OSBP2: variants seen among roughly 807,000 people sequenced by gnomAD.
OSBP2 encodes the protein oxysterol-binding protein 2.
Under a neutral mutation model 96.0 loss-of-function variants are expected in OSBP2, and 66 were observed. That is an observed-to-expected ratio of 0.69 (90% CI 0.56 to 0.84). The LOEUF is 0.84. Ranked by LOEUF, OSBP2 falls within the 40% of genes least tolerant of loss-of-function variation. The pLI, the probability that OSBP2 is intolerant of heterozygous loss-of-function variation, is 0.00. For missense variants in OSBP2, 1,038 were observed against 1,222.7 expected (o/e 0.85, Z 2.25); for synonymous variants, 525 against 520.9 (o/e 1.01, Z -0.11).
chr22:30,717,090 T>TTTTTTG lies in OSBP2; in HGVS notation c.644+21538_644+21539insTTTTGT, dbSNP rs71328866. On this transcript the variant is annotated intron_variant, in intron 1 of 13. Coordinates refer to ENST00000332585, the MANE Select transcript of OSBP2 (RefSeq NM_030758.4). ...CTATTTTGTTTTAATTTTACTGTTT[T>TTTTTTG]TGTGTGTGTGTGTGTGTGTGTGTGT... is the stretch of plus-strand genomic sequence containing the variant. Among the ~76,000 whole-genome samples, 2 of 118,320 alleles carry TTTTTTG rather than the reference T, an allele frequency of 1.7e-5. 1 individual carries two copies. The highest frequency in any genetic ancestry group is 6.4e-5 in the African/African-American group (2 of 31,434). The allele number at this position is 118,320 out of a possible 152,430, so 77.6% of individuals were successfully genotyped here. A position where few individuals can be genotyped will look rare whatever the true frequency, so the allele number is the denominator to read the frequency against.
At chr22:30,844,790 C>A (rs2147043452) in intron 2 of OSBP2, 1 of 152,346 alleles carries the variant, frequency 6.6e-6, no homozygotes, top group South Asian at 2.1e-4. Flanking sequence ...GTGCAAGAGG[C>A]CTAGGTTTGG....
intron 3 of OSBP2, among the ~76,000 whole-genome samples, chr22:30,878,488 C>T (rs998392476): frequency 1.3e-5 from 2 of 152,200 alleles, no homozygotes; most frequent in Non-Finnish European, 2.9e-5. Context: ...AGAATGGGGG[C>T]CTTGCTGTCT....
At chr22:30,888,703 T>C (rs577597966) in intron 5 of OSBP2, among the ~76,000 whole-genome samples, 6 of 152,184 alleles carry the variant, frequency 3.9e-5, no homozygotes, top group Non-Finnish European at 8.8e-5. Context: ...CACTCTAGCC[T>C]GGGCAACAGA....
At chr22:30,789,950 G>A (rs1025878452) in intron 2 of OSBP2, among the ~76,000 whole-genome samples, 4 of 152,060 alleles carry the variant, frequency 2.6e-5, no homozygotes, top group Admixed American at 1.3e-4. Flanking sequence ...TGTGAATCTC[G>A]GTGAAAACAT....
Position 30,881,854 on chromosome 22 carries a change from T to G in OSBP2, c.1108-5572T>G, listed in dbSNP as rs1341925807. ...GGACGGGCTCTCTGCATCCATGGGG[T>G]GACCAGGCAGCTCATGTGCTGTGGG... On this transcript the variant is annotated intron_variant, in intron 3 of 13. Transcript: ENST00000332585. The surrounding 1 kb of genome is among the most constrained non-coding windows in gnomAD (Gnocchi z 4.5). The G allele has an allele frequency of 2.5e-5, 32 of 1,297,100 alleles. No individual in the cohort carries two copies. Among genetic ancestry groups the G allele is most frequent in the Non-Finnish European group, 3.2e-5 (31 of 984,034 alleles). 80.3% of individuals were successfully genotyped at this position (1,297,100 alleles called of 1,614,324 possible).
intron 1 of OSBP2, among the ~76,000 whole-genome samples, chr22:30,727,229 G>C (rs936321437): frequency 6.6e-6 from 1 of 152,140 alleles, no homozygotes; most frequent in Non-Finnish European, 1.5e-5. Flanking sequence ...CTTCCGCCTA[G>C]GAGGCTCCTA....
At chr22:30,825,784 C>T (rs532872717) in intron 2 of OSBP2, among the ~76,000 whole-genome samples, 1 of 152,136 alleles carries the variant, frequency 6.6e-6, no homozygotes, top group Non-Finnish European at 1.5e-5. Flanking sequence ...CTGCCAAGGT[C>T]ATCAGTTTCT....
At chr22:30,888,665 G>A (rs937975240) in intron 5 of OSBP2, among the ~76,000 whole-genome samples, 2 of 152,160 alleles carry the variant, frequency 1.3e-5, no homozygotes, top group Admixed American at 6.5e-5. Flanking sequence ...GGAGGTGGAG[G>A]CTGCAGTGAG....
chr22:30,906,062 G>A lies in OSBP2; in HGVS notation c.2601G>A (p.Ser867=), dbSNP rs766223709. 1.9e-5 allele frequency: 30 copies of A among 1,566,434 alleles called. No homozygotes were observed. Among genetic ancestry groups the A allele is most frequent in the Non-Finnish European group, 2.5e-5 (29 of 1,157,792 alleles). Residue 867 remains serine, a synonymous_variant, in exon 13 of 14, where the codon TCG becomes TCA. Transcript: ENST00000332585. ...EACGPGSSCS[S]EEEKEADAYT... The stretch of plus-strand genomic sequence containing the variant: ...GCGGGCCGGGCAGCAGCTGCAGCTC[G>A]GAGGAAGGTGAGGCCGGGCGGGAAG...
intron 1 of OSBP2, among the ~76,000 whole-genome samples, chr22:30,711,241 T>G (rs1428015250): frequency 6.6e-6 from 1 of 151,852 alleles, no homozygotes; most frequent in Non-Finnish European, 1.5e-5. Context: ...TGTGTTTGTT[T>G]TATAAAAGCT....
intron 12 of OSBP2, among the ~76,000 whole-genome samples, chr22:30,900,087 C>T (rs1383404844): frequency 6.6e-6 from 1 of 151,988 alleles, no homozygotes; most frequent in Non-Finnish European, 1.5e-5. Flanking sequence ...GGAGAAACCC[C>T]ATCTCTACTA....
chr22:30,888,380 G>A, intron 5 of OSBP2, 40 bp downstream of exon 5: 1 of 1,182,114 alleles, frequency 8.5e-7, no homozygotes, highest in Non-Finnish European at 1.3e-6. Context: ...CCCCACCCTG[G>A]TCTTAGGCTG....
intron 9 of OSBP2, 63 bp from the exon 10 acceptor site, chr22:30,893,400 A>C: frequency 1.3e-6 from 2 of 1,552,784 alleles, no homozygotes; most frequent in Non-Finnish European, 1.8e-6. Flanking sequence ...ACCAGGCCTA[A>C]GGGCAGACTG....
At position 30,843,441 on chromosome 22, in the gene OSBP2, CT is replaced by C. The variant is rs757610052; in HGVS notation, c.854-26985del. ...GAAGCCACAGTACGTTTTCAGGAAT[CT>C]TTCCCCCCTCCCCCTTGAGCAATAG... is the stretch of plus-strand genomic sequence containing the variant. On this transcript the variant is annotated intron_variant, in intron 2 of 13. Transcript: ENST00000332585. Among the ~76,000 whole-genome samples, 84 of 103,560 alleles carry C rather than the reference CT, an allele frequency of 8.1e-4. 4 individuals carry two copies. Among genetic ancestry groups the C allele is most frequent in the Admixed American group, 3.4e-3 (41 of 12,080 alleles). The allele number at this position is 103,560 out of a possible 152,430, so 67.9% of individuals were successfully genotyped here.
intron 2 of OSBP2, among the ~76,000 whole-genome samples, chr22:30,811,219 A>G (rs1030292176): frequency 6.7e-6 from 1 of 149,220 alleles, no homozygotes; most frequent in Non-Finnish European, 1.5e-5. Context: ...CATACTGATC[A>G]AGAGCTTGCT....
chr22:30,694,030 G>C, upstream of OSBP2: 1 of 1,545,322 alleles, frequency 6.5e-7, no homozygotes, highest in Non-Finnish European at 8.7e-7. Context: ...TGGGGTCACA[G>C]CCTCCTTTGT....
At chr22:30,867,342 C>T (rs535938452) in intron 2 of OSBP2, among the ~76,000 whole-genome samples, 38 of 152,328 alleles carry the variant, frequency 2.5e-4, no homozygotes, top group Non-Finnish European at 5.0e-4. Flanking sequence ...CCTTTCCAAC[C>T]TACTCCTCTG....
chr22:30,734,218 G>A lies in OSBP2; in HGVS notation c.645-6943G>A, dbSNP rs563281330. On this transcript the variant is annotated intron_variant, in intron 1 of 13. Transcript: ENST00000332585. ...TCGAACTCCTGGCCTCAAGTGATCT[G>A]CCTGCCTCAGTGCTGGGATTATAGG... Among the ~76,000 whole-genome samples the A allele has an allele frequency of 3.9e-5, 6 of 152,180 alleles. No individual in the cohort carries two copies. In the East Asian group the frequency reaches 1.2e-3, roughly 29 times the overall value.
intron 2 of OSBP2, chr22:30,822,508 G>GGACCCACGAGTGTCTGCCGCCTC: frequency 7.4e-7 from 1 of 1,348,416 alleles, no homozygotes; most frequent in Non-Finnish European, 9.5e-7. Flanking sequence ...CGCGGCGCCG[G>GGACCCACGAGTGTCTGCCGCCTC]GACCCACGAG....
Sources: allele counts gnomAD v4.1 joint callset (sites outside exome capture counted in the v4.1 genomes callset), GRCh38; gene constraint gnomAD v4.1.1; non-coding constraint Gnocchi (gnomAD v3.1); transcripts MANE v1.5; gene names NCBI Gene and HGNC (gene_info 2026-07-23, HGNC 2026-07-21).